Variants in IKZF3 observed in about 807,000 individuals in gnomAD.
IKZF3 encodes the protein zinc finger protein Aiolos.
IKZF3 carries 10 observed loss-of-function variants against 49.0 expected under a neutral mutation model. The ratio of observed to expected loss-of-function variants is 0.20; its 90% CI spans 0.13 to 0.35. The LOEUF is 0.35. Among genes scored for constraint, IKZF3 ranks in the 10% least tolerant of loss-of-function variants. The pLI is 1.00. For missense variants in IKZF3, 498 were observed against 664.8 expected (o/e 0.75, Z 2.76); for synonymous variants, 209 against 228.2 (o/e 0.92, Z 0.76).
At chr17:39,818,205 T>C (rs1436509439) in intron 3 of IKZF3, among the ~76,000 whole-genome samples, 1 of 152,228 alleles carries the variant, frequency 6.6e-6, no homozygotes, top group Non-Finnish European at 1.5e-5. Flanking sequence ...TCTTAACTTA[T>C]GAGACCACCA....
At chr17:39,768,942 C>T (rs973181809) in intron 7 of IKZF3, among the ~76,000 whole-genome samples, 12 of 152,118 alleles carry the variant, frequency 7.9e-5, no homozygotes, top group African/African-American at 2.9e-4. Flanking sequence ...ATCCCTTCCC[C>T]CTTTGTTAAA....
At chr17:39,802,945 C>T (rs1231950238) in intron 3 of IKZF3, among the ~76,000 whole-genome samples, 1 of 151,884 alleles carries the variant, frequency 6.6e-6, no homozygotes, top group Non-Finnish European at 1.5e-5. Flanking sequence ...TTACTAATAA[C>T]ATTAATTTTT....
intron 3 of IKZF3, among the ~76,000 whole-genome samples, chr17:39,807,317 T>C (rs1437168395): frequency 1.3e-5 from 2 of 151,832 alleles, no homozygotes; most frequent in African/African-American, 2.4e-5. Flanking sequence ...TAAATGTTCA[T>C]AGAAGCTAAA....
intron 3 of IKZF3, among the ~76,000 whole-genome samples, chr17:39,825,753 C>CA (rs954843488): frequency 3.3e-5 from 5 of 151,960 alleles, no homozygotes; most frequent in African/African-American, 1.2e-4. Flanking sequence ...GATTGAAGGA[C>CA]AAAAAAATAA....
intron 3 of IKZF3, among the ~76,000 whole-genome samples, chr17:39,809,715 T>G (rs775076818): frequency 5.3e-5 from 8 of 152,166 alleles, no homozygotes; most frequent in Non-Finnish European, 1.2e-4. Context: ...TTTCTATGGA[T>G]GAAGCACCTG....
chr17:39,824,223 T>G (rs896109418), intron 3 of IKZF3, among the ~76,000 whole-genome samples: 2 of 152,186 alleles, frequency 1.3e-5, no homozygotes, highest in African/African-American at 2.4e-5. Flanking sequence ...GACTGCCCTA[T>G]TGGATTCCGG....
chr17:39,784,051 G>A (rs2060813026), intron 6 of IKZF3, among the ~76,000 whole-genome samples: 2 of 152,360 alleles, frequency 1.3e-5, no homozygotes, highest in South Asian at 4.1e-4. Flanking sequence ...AAGCCCTCAT[G>A]CTTGTATTAG....
At chr17:39,843,785 C>T (rs528241176) in intron 1 of IKZF3, among the ~76,000 whole-genome samples, 1 of 145,508 alleles carries the variant, frequency 6.9e-6, no homozygotes, top group Non-Finnish European at 1.5e-5. Context: ...CCAGCCTGGG[C>T]GACAGAGTGA....
chr17:39,781,595 C>T (rs545989436), intron 6 of IKZF3, among the ~76,000 whole-genome samples: 14 of 152,320 alleles, frequency 9.2e-5, no homozygotes, highest in African/African-American at 2.9e-4. Context: ...ATCTAGTTTT[C>T]CCATTTGTTT....
intron 4 of IKZF3, 51 bp from the exon 5 acceptor site, chr17:39,791,634 C>T (rs2061024555): frequency 6.4e-7 from 1 of 1,569,718 alleles, no homozygotes; most frequent in Non-Finnish European, 8.8e-7. Flanking sequence ...AGTGGAGAAA[C>T]ATATGCACAG....
intron 6 of IKZF3, 87 bp from the exon 7 acceptor site, chr17:39,777,854 C>A (rs913486921): frequency 6.4e-7 from 1 of 1,552,426 alleles, no homozygotes; most frequent in Non-Finnish European, 8.7e-7. Flanking sequence ...GAGAAGTGTC[C>A]GAAGTTGGAT....
intron 6 of IKZF3, 151 bp from the exon 7 acceptor site, chr17:39,777,918 CCT>C: frequency 7.3e-7 from 1 of 1,374,054 alleles, no homozygotes; most frequent in African/African-American, 1.5e-5. Context: ...GCCTGGGGTA[CCT>C]GCTGTGGTCA....
rs576968384 is a variant in IKZF3, at chr17:39,763,219, C to G, written c.*2571G>C. The G allele has an allele frequency of 6.6e-6, 1 of 152,292 alleles. No individual in the cohort carries two copies. The highest frequency in any genetic ancestry group is 1.9e-4 in the East Asian group (1 of 5,186). The allele number at this position is 152,292 out of a possible 1,614,324, so 9.4% of individuals were successfully genotyped here. ...ACTGTTGCCATGGAATTTCATAAAA[C>G]CTTTTTTCCTGAGACAGACGCCATG... is the stretch of plus-strand genomic sequence containing the variant. On this transcript the variant is annotated 3_prime_UTR_variant, in exon 8 of 8. Coordinates refer to ENST00000346872, the MANE Select transcript of IKZF3 (RefSeq NM_012481.5).
At position 39,792,848 on chromosome 17, in the gene IKZF3, A is replaced by G. The variant is rs2061060606; in HGVS notation, c.249T>C (p.Pro83=). 1.2e-6 allele frequency: 2 copies of G among 1,614,070 alleles called. No homozygotes were observed. Among genetic ancestry groups the G allele is most frequent in the South Asian group, 1.1e-5 (1 of 91,080 alleles). The change falls in exon 4 of 8, where the codon CCT becomes CCC. Residue 83 remains proline (P), a synonymous_variant. Coordinates refer to ENST00000346872, the MANE Select transcript of IKZF3 (RefSeq NM_012481.5). The part of the protein sequence containing the change: ...KSEPMGNAEE[P]EIPYSYSREY... The stretch of plus-strand genomic sequence containing the variant: ...CTCTTGAATAGCTGTAAGGGATTTC[A>G]GGCTCTTCTGCATTTCCCATGGGTT...
chr17:39,850,898 ATT>A (rs1379514869), intron 1 of IKZF3, among the ~76,000 whole-genome samples: 2 of 119,016 alleles, frequency 1.7e-5, no homozygotes, highest in African/African-American at 6.0e-5. Flanking sequence ...TATAGTATAT[ATT>A]ATATACGTAT....
rs780519229 is a variant in IKZF3, at chr17:39,775,204, G to GA, written c.826+2446dup. Among the ~76,000 whole-genome samples, 864 of 136,338 alleles carry GA rather than the reference G, an allele frequency of 6.3e-3. 5 individuals carry two copies. The highest frequency in any genetic ancestry group is 0.018 in the African/African-American group (687 of 37,302). 89.4% of individuals were successfully genotyped at this position (136,338 alleles called of 152,430 possible). A position where few individuals can be genotyped will look rare whatever the true frequency, so the allele number is the denominator to read the frequency against. On this transcript the variant is annotated intron_variant, in intron 7 of 7. Coordinates refer to ENST00000346872, the MANE Select transcript of IKZF3 (RefSeq NM_012481.5). ...CTTATTGCACTACAACACAACTTAC[G>GA]AAAAAAAAAAAAAATTCCCCCAGTT... is the stretch of plus-strand genomic sequence containing the variant.
chr17:39,777,152 AT>A (rs1429570133), intron 7 of IKZF3, among the ~76,000 whole-genome samples: 1 of 152,242 alleles, frequency 6.6e-6, no homozygotes, highest in Non-Finnish European at 1.5e-5. Context: ...AAATGATTAA[AT>A]CAAACCTTGT....
rs2060118666 is a variant in IKZF3, at chr17:39,758,839, T to C, written c.*6951A>G. The C allele has an allele frequency of 1.3e-5, 2 of 148,422 alleles. No homozygotes were observed. The highest frequency in any genetic ancestry group is 2.5e-5 in the African/African-American group (1 of 39,872). 9.2% of individuals were successfully genotyped at this position (148,422 alleles called of 1,614,324 possible). On this transcript the variant is annotated 3_prime_UTR_variant, in exon 8 of 8. Coordinates refer to ENST00000346872, the MANE Select transcript of IKZF3 (RefSeq NM_012481.5). ...CCTCCATAATTCATTTGTAAAGGAATTGCTATTATGATCTAGTATGATCTT... is the reference window on the plus strand; with the variant it reads ...CCTCCATAATTCATTTGTAAAGGAACTGCTATTATGATCTAGTATGATCTT...
intron 1 of IKZF3, among the ~76,000 whole-genome samples, chr17:39,861,120 T>C (rs1003538710): frequency 6.6e-6 from 1 of 152,230 alleles, no homozygotes; most frequent in African/African-American, 2.4e-5. Flanking sequence ...GGGCCTTCTA[T>C]GAACCAGAAA....
Sources: gnomAD v4.1 joint callset for allele counts (sites outside exome capture counted in the v4.1 genomes callset) on GRCh38, gnomAD v4.1.1 for gene constraint, MANE v1.5 for transcripts, NCBI Gene and HGNC (gene_info 2026-07-23, HGNC 2026-07-21) for gene names.